Variants in YY1AP1 observed in about 807,000 individuals in gnomAD.
YY1AP1 encodes YY1 associated protein 1.
YY1AP1 carries 43 observed loss-of-function variants against 39.9 expected under a neutral mutation model. The observed-to-expected ratio is 1.08, with a 90% confidence interval of 0.84 to 1.39. The LOEUF is 1.39. YY1AP1 is among the 40% of genes most tolerant of loss of function. YY1AP1 has a pLI of 0.00. For missense variants in YY1AP1, 813 were observed against 900.7 expected (o/e 0.90, Z 1.25); for synonymous variants, 292 against 331.3 (o/e 0.88, Z 1.29).
At position 155,675,949 on chromosome 1, in the gene YY1AP1, C is replaced by T. The variant is rs149384924; in HGVS notation, c.324+599G>A. On this transcript the variant is annotated intron_variant, in intron 5 of 10. Coordinates refer to ENST00000355499, the MANE Select transcript of YY1AP1 (RefSeq NM_139119.3). ...GAGATTAGAAAAGGAAAAGGCCGGGCGCAGTGACTCACGCGTGTAATCCCA... is the reference window on the plus strand; with the variant it reads ...GAGATTAGAAAAGGAAAAGGCCGGGTGCAGTGACTCACGCGTGTAATCCCA... Among the ~76,000 whole-genome samples the T allele has an allele frequency of 1.2e-3, 176 of 152,230 alleles. 1 individual carries two copies. Among genetic ancestry groups the T allele is most frequent in the African/African-American group, 4.1e-3 (169 of 41,542 alleles).
chr1:155,663,796 A>G (rs1166337529), intron 9 of YY1AP1, among the ~76,000 whole-genome samples: 1 of 151,996 alleles, frequency 6.6e-6, no homozygotes, highest in Non-Finnish European at 1.5e-5. Context: ...ATACTAAGGC[A>G]TATTATCATG....
rs983551686 is a variant in YY1AP1 at position 155,688,547 on chromosome 1, T to C, written c.-152+112A>G. The C allele has an allele frequency of 4.9e-5, 75 of 1,540,882 alleles. No individual in the cohort carries two copies. The Middle Eastern group carries it at 1.5e-3, about 31-fold the overall frequency. ...TCCCACCAACCACCACCTTCGGCCG[T>C]CCTGCGAGCCAGCCATCCCGTACGC... On this transcript the variant is annotated intron_variant, in intron 1 of 10. Transcript: ENST00000355499.
At chr1:155,662,436 G>A (rs1648306996) in intron 9 of YY1AP1, among the ~76,000 whole-genome samples, 1 of 151,798 alleles carries the variant, frequency 6.6e-6, no homozygotes, top group African/African-American at 2.4e-5. Flanking sequence ...GTGGTAGGGT[G>A]GAGATTGCAG....
At chr1:155,671,691 T>C (rs1649887800) in intron 7 of YY1AP1, among the ~76,000 whole-genome samples, 1 of 152,156 alleles carries the variant, frequency 6.6e-6, no homozygotes, top group Admixed American at 6.5e-5. Flanking sequence ...TCTCCTTCCA[T>C]AAGTGTCATT....
upstream of YY1AP1, chr1:155,688,960 C>T (rs1653221244): frequency 1.2e-6 from 2 of 1,610,790 alleles, no homozygotes; most frequent in African/African-American, 1.3e-5. Context: ...GGCGCTGCGG[C>T]TCGCCTCCTC....
Position 155,687,608 on chromosome 1 carries a change from T to C in YY1AP1, c.-21+463A>G, listed in dbSNP as rs1571379485. Among the ~76,000 whole-genome samples, 5 of 144,638 alleles carry C rather than the reference T, an allele frequency of 3.5e-5. No individual in the cohort carries two copies. In the South Asian group the frequency reaches 1.0e-3, roughly 30 times the overall value. 94.9% of individuals were successfully genotyped at this position (144,638 alleles called of 152,430 possible). ...TCCATGTACAAACTAACCAGTGACA[T>C]TTATTAAACGTACAACACTGAGATC... On this transcript the variant is annotated intron_variant, in intron 2 of 10. Transcript: ENST00000355499.
rs1647883060 is a variant in YY1AP1 at position 155,660,420 on chromosome 1, G to C, written c.1490C>G (p.Ser497Cys). The C allele has an allele frequency of 6.2e-7, 1 of 1,614,042 alleles. No individual in the cohort carries two copies. Among genetic ancestry groups the C allele is most frequent in the African/African-American group, 1.3e-5 (1 of 74,922 alleles). The change falls in exon 11 of 11, where the codon TCT becomes TGT. Residue 497 changes from serine (S) to cysteine (C), a missense_variant. Ser to Cys is a moderately radical substitution (Grantham distance 112). Transcript: ENST00000355499. ...AGAAGAGAGCAAAGTCTGGGACTCA[G>C]ACAGAGGGAAGCTTGTCCTGGCCTC... The part of the protein sequence containing the change: ...PPEARTSFPL[S>C]ESQTLLSSAP...
At chr1:155,677,484 A>G (rs979277196) in intron 4 of YY1AP1, among the ~76,000 whole-genome samples, 2 of 152,206 alleles carry the variant, frequency 1.3e-5, no homozygotes, top group African/African-American at 4.8e-5. Context: ...GGAGAATAAT[A>G]TACCTAAATG....
chr1:155,668,924 C>T (rs1044960027), intron 8 of YY1AP1, 147 bp from the exon 9 acceptor site: 9 of 1,175,782 alleles, frequency 7.7e-6, no homozygotes, highest in African/African-American at 1.5e-5. Flanking sequence ...AGTGCAGTGG[C>T]GTGATCGCAG....
Position 155,679,646 on chromosome 1 carries a change from C to T in YY1AP1, c.22-134G>A, listed in dbSNP as rs1651243385. On this transcript the variant is annotated intron_variant, in intron 3 of 10. Coordinates refer to ENST00000355499, the MANE Select transcript of YY1AP1 (RefSeq NM_139119.3). ...CACCCAGAAAGAGCCTACATCAGAA[C>T]CTTTCTCACTTCAGGACTCCTACAA... 4 of 1,537,946 alleles carry T rather than the reference C, an allele frequency of 2.6e-6. No individual in the cohort carries two copies. The African/African-American group carries it at 4.1e-5, about 16-fold the overall frequency.
intron 3 of YY1AP1, chr1:155,679,727 TG>T: frequency 1.0e-6 from 1 of 985,292 alleles, no homozygotes. Flanking sequence ...CCAGTCAACT[TG>T]TATCAGTAAG....
intron 1 of YY1AP1, chr1:155,688,439 C>T (rs1021286154): frequency 1.3e-5 from 20 of 1,548,166 alleles, no homozygotes; most frequent in South Asian, 7.2e-5. Flanking sequence ...TCCCCACGGT[C>T]CCCCGCTTCG....
chr1:155,679,160 G>C, intron 4 of YY1AP1: 1 of 1,440,086 alleles, frequency 6.9e-7, no homozygotes, highest in Non-Finnish European at 9.3e-7. Flanking sequence ...CCACTCACCC[G>C]GAGAAGTGGA....
At chr1:155,666,323 A>G (rs547417241) in intron 9 of YY1AP1, among the ~76,000 whole-genome samples, 95 of 152,058 alleles carry the variant, frequency 6.2e-4, no homozygotes, top group Non-Finnish European at 1.8e-4. Flanking sequence ...GGGTTTCACC[A>G]TGTTAGCCAG....
intron 4 of YY1AP1, among the ~76,000 whole-genome samples, chr1:155,677,377 T>C (rs890347698): frequency 6.6e-6 from 1 of 152,188 alleles, no homozygotes. Context: ...TCCTGAAAGA[T>C]TGTTTGCAGG....
chr1:155,678,804 T>C (rs925472775), intron 4 of YY1AP1, among the ~76,000 whole-genome samples: 6 of 152,222 alleles, frequency 3.9e-5, no homozygotes, highest in Non-Finnish European at 7.3e-5. Context: ...TGGCACAAAC[T>C]GCATCCTGAC....
Position 155,688,265 on chromosome 1 carries a change from G to C in YY1AP1, c.-151-64C>G, listed in dbSNP as rs748081654. ...GGCTAAAGGGGCAAACTGAGAGGAG[G>C]CGGATCCCGCAACCGACACTGGGAT... On this transcript the variant is annotated intron_variant, in intron 1 of 10. Coordinates refer to ENST00000355499, the MANE Select transcript of YY1AP1 (RefSeq NM_139119.3). 1.9e-6 allele frequency: 3 copies of C among 1,599,674 alleles called. No homozygotes were observed. In the Admixed American group the frequency reaches 5.3e-5, roughly 28 times the overall value.
chr1:155,671,417 C>T (rs1000103849), intron 7 of YY1AP1, among the ~76,000 whole-genome samples: 11 of 150,362 alleles, frequency 7.3e-5, no homozygotes, highest in Admixed American at 3.3e-4. Context: ...GGTGACAGAG[C>T]GAGACTCCAT....
chr1:155,665,898 A>T (rs1425991675), intron 9 of YY1AP1, among the ~76,000 whole-genome samples: 1 of 152,120 alleles, frequency 6.6e-6, no homozygotes, highest in Non-Finnish European at 1.5e-5. Context: ...GATGGTGAAG[A>T]AAAAGCCCAA....
Sources: gnomAD v4.1 joint callset for allele counts (sites outside exome capture counted in the v4.1 genomes callset) on GRCh38, gnomAD v4.1.1 for gene constraint, MANE v1.5 for transcripts, NCBI Gene and HGNC (gene_info 2026-07-23, HGNC 2026-07-21) for gene names.